Variants in BRWD3 observed in about 807,000 individuals in gnomAD.
BRWD3 encodes the protein bromodomain and WD repeat-containing protein 3.
Under a neutral mutation model 149.7 loss-of-function variants are expected in BRWD3, and 10 were observed. That is an observed-to-expected ratio of 0.07 (90% CI 0.04 to 0.11). The LOEUF (loss-of-function observed/expected upper bound fraction) is 0.11. Among genes scored for constraint, BRWD3 ranks in the 10% least tolerant of loss-of-function variants. The pLI, the probability that BRWD3 is intolerant of heterozygous loss-of-function variation, is 1.00. For synonymous variants in BRWD3, 504 were observed against 456.7 expected, an observed-to-expected ratio of 1.10 and a Z score of -1.32; for missense variants, 940 against 1,373.2, an observed-to-expected ratio of 0.68 and a Z score of 4.99.
intron 16 of BRWD3, among the ~76,000 whole-genome samples, chrX:80,722,991 T>G (rs2073171666): frequency 9.0e-6 from 1 of 111,632 alleles, no homozygotes; most frequent in Admixed American, 9.5e-5. Context: ...AATCCTATAA[T>G]CTGTATTAAT....
In BRWD3 at chrX:80,716,152, C is replaced by T. The variant is rs186391561; in HGVS notation, c.2325+5G>A. 7.7e-3 allele frequency: 9,141 copies of T among 1,179,577 alleles called. 45 individuals carry two copies. The highest frequency in any genetic ancestry group is 8.9e-3 in the Non-Finnish European group (7,766 of 868,271). Reference sequence around the variant, plus strand: ...TATCCCAAAGTATTGTAAAACTATACTTACCCTTTGAGTAGTGTAAGATGG... The same window carrying T: ...TATCCCAAAGTATTGTAAAACTATATTTACCCTTTGAGTAGTGTAAGATGG... On this transcript the variant is annotated splice_donor_5th_base_variant and intron_variant, in intron 20 of 40. Transcript: ENST00000373275.
chrX:80,703,657 A>C (rs1335451670), intron 23 of BRWD3, 64 bp from the exon 24 acceptor site: 37 of 782,436 alleles, frequency 4.7e-5, no homozygotes, highest in Non-Finnish European at 5.5e-5. Flanking sequence ...TAAAACACAT[A>C]AACAATAGTA....
At chrX:80,732,783 C>T (rs1167584150) in intron 12 of BRWD3, among the ~76,000 whole-genome samples, 1 of 111,658 alleles carries the variant, frequency 9.0e-6, no homozygotes, top group Non-Finnish European at 1.9e-5. Context: ...CTGTGAATGC[C>T]AGGCTAAGAC....
At chrX:80,768,977 G>A (rs12690260) in intron 6 of BRWD3, among the ~76,000 whole-genome samples, 3,626 of 110,877 alleles carry the variant, frequency 0.033, 77 homozygotes, top group South Asian at 0.15. Flanking sequence ...AATCAACAAA[G>A]ATCAAAAGAA....
intron 6 of BRWD3, among the ~76,000 whole-genome samples, chrX:80,780,291 G>A (rs1333287840): frequency 1.8e-5 from 2 of 110,739 alleles, no homozygotes; most frequent in Non-Finnish European, 3.8e-5. Context: ...GAATAATAAT[G>A]AGGAAAGAAA....
intron 6 of BRWD3, among the ~76,000 whole-genome samples, chrX:80,779,406 A>C (rs1226516354): frequency 9.0e-6 from 1 of 111,016 alleles, no homozygotes; most frequent in Non-Finnish European, 1.9e-5. Flanking sequence ...AGAGAGGACA[A>C]TAATAGACTA....
At chrX:80,693,805 G>T (rs1443601274) in intron 27 of BRWD3, among the ~76,000 whole-genome samples, 1 of 111,988 alleles carries the variant, frequency 8.9e-6, no homozygotes, top group Non-Finnish European at 1.9e-5. Flanking sequence ...TCTGGAAATG[G>T]AACTTATCTT....
intron 25 of BRWD3, among the ~76,000 whole-genome samples, chrX:80,697,261 G>A (rs1423255127): frequency 9.0e-6 from 1 of 111,612 alleles, no homozygotes; most frequent in Non-Finnish European, 1.9e-5. Context: ...ATATATGTAC[G>A]TGTACATGTT....
rs749849831 is a variant in BRWD3, at chrX:80,728,827, T to A, written c.1311A>T (p.Thr437=). ...TMVAWDRYDT[T]VITAVNNFLL... is the part of the protein sequence containing the mutation. ...GAAAATTGTTCACTGCAGTAATAAC[T>A]GTGGTATCATAGCGATCCCAGGCCA... Residue 437 remains threonine, a synonymous_variant, in exon 14 of 41, where the codon ACA becomes ACT. Coordinates refer to ENST00000373275, the MANE Select transcript of BRWD3 (RefSeq NM_153252.5). 2.5e-6 allele frequency: 3 copies of A among 1,202,999 alleles called. No individual in the cohort carries two copies. In the African/African-American group the frequency reaches 5.2e-5, roughly 21 times the overall value.
At chrX:80,699,079 G>T (rs2147705801) in intron 25 of BRWD3, among the ~76,000 whole-genome samples, 1 of 109,522 alleles carries the variant, frequency 9.1e-6, no homozygotes, top group Admixed American at 9.8e-5. Flanking sequence ...GCTAGGCATG[G>T]TGGCGTGTAC....
At chrX:80,779,302 A>G (rs1337039868) in intron 6 of BRWD3, among the ~76,000 whole-genome samples, 1 of 111,068 alleles carries the variant, frequency 9.0e-6, no homozygotes, top group African/African-American at 3.3e-5. Context: ...GCAACAAGGG[A>G]GAAATTCTGT....
intron 4 of BRWD3, among the ~76,000 whole-genome samples, chrX:80,796,902 G>A (rs893265661): frequency 1.8e-5 from 2 of 111,463 alleles, no homozygotes; most frequent in African/African-American, 3.3e-5. Context: ...GGCTGGGAAC[G>A]GTGGCTCATG....
intron 25 of BRWD3, among the ~76,000 whole-genome samples, chrX:80,699,700 T>C (rs776195672): frequency 1.8e-5 from 2 of 111,861 alleles, no homozygotes. Context: ...ACGGAAAATA[T>C]CCACAAAGGG....
At chrX:80,774,831 AT>A (rs1312390404) in intron 6 of BRWD3, among the ~76,000 whole-genome samples, 2 of 110,398 alleles carry the variant, frequency 1.8e-5, no homozygotes, top group Non-Finnish European at 3.8e-5. Flanking sequence ...CTCCACATTC[AT>A]TTTCTGTCTA....
At chrX:80,704,314 AGTTAAAAAT>A (rs1205874989) in intron 23 of BRWD3, among the ~76,000 whole-genome samples, 1 of 111,810 alleles carries the variant, frequency 8.9e-6, no homozygotes, top group Non-Finnish European at 1.9e-5. Flanking sequence ...CCATGTTACA[AGTTAAAAAT>A]GTTAAAAATG....
chrX:80,700,946 G>A (rs997229129), intron 24 of BRWD3, among the ~76,000 whole-genome samples: 9 of 110,248 alleles, frequency 8.2e-5, no homozygotes, highest in Non-Finnish European at 1.5e-4. Flanking sequence ...TTTGCAAGGG[G>A]TCCTAGAGCC....
intron 5 of BRWD3, among the ~76,000 whole-genome samples, chrX:80,792,323 C>T (rs926235824): frequency 2.8e-4 from 31 of 111,944 alleles, no homozygotes; most frequent in Non-Finnish European, 4.7e-4. Context: ...AAGGATATAA[C>T]TATAGCACAA....
At chrX:80,711,022 T>C in intron 20 of BRWD3, among the ~76,000 whole-genome samples, 1 of 111,302 alleles carries the variant, frequency 9.0e-6, no homozygotes, top group Non-Finnish European at 1.9e-5. Flanking sequence ...AAAAGAAATG[T>C]CTGGGTTGCA....
chrX:80,691,675 C>A, intron 30 of BRWD3, 148 bp downstream of exon 30: 3 of 755,999 alleles, frequency 4.0e-6, no homozygotes, highest in Non-Finnish European at 5.8e-6. Context: ...TATAAAACTG[C>A]TAATATTAAA....
Sources: gnomAD v4.1 joint callset for allele counts (sites outside exome capture counted in the v4.1 genomes callset) on GRCh38, gnomAD v4.1.1 for gene constraint, MANE v1.5 for transcripts, NCBI Gene and HGNC (gene_info 2026-07-23, HGNC 2026-07-21) for gene names.